Variants in PRKCE observed in about 807,000 individuals in gnomAD.
PRKCE encodes the protein protein kinase C epsilon.
Under a neutral mutation model 85.4 loss-of-function variants are expected in PRKCE, and 16 were observed. That is an observed-to-expected ratio of 0.19 (90% CI 0.13 to 0.28). The LOEUF is 0.28. Ranked by LOEUF, PRKCE falls within the 10% of genes least tolerant of loss-of-function variation. The probability of loss-of-function intolerance (pLI) is 1.00; values close to 1 mark genes in which losing one functional copy is unlikely to be tolerated. For missense variants in PRKCE, 573 were observed against 975.2 expected (o/e 0.59, Z 5.49); for synonymous variants, 388 against 371.5 (o/e 1.04, Z -0.51).
chr2:45,713,587 G>T (rs1679845492), intron 1 of PRKCE, among the ~76,000 whole-genome samples: 1 of 152,136 alleles, frequency 6.6e-6, no homozygotes. Flanking sequence ...TTTGAAGAAG[G>T]GATCCACTGG....
rs140436563 is a variant in PRKCE, at chr2:45,738,758, T to C, written c.348+86310T>C. Among the ~76,000 whole-genome samples, 288 of 152,316 alleles carry C rather than the reference T, an allele frequency of 1.9e-3. 1 individual carries two copies. The highest frequency in any genetic ancestry group is 6.7e-3 in the African/African-American group (279 of 41,570). On this transcript the variant is annotated intron_variant, in intron 1 of 14. Coordinates refer to ENST00000306156, the MANE Select transcript of PRKCE (RefSeq NM_005400.3). Reference sequence around the variant, plus strand: ...TGTTTTGCTTTTAACCTTACAGTTATTGGGCATTAAGATATGACAGCTCTT... The same window carrying C: ...TGTTTTGCTTTTAACCTTACAGTTACTGGGCATTAAGATATGACAGCTCTT...
chr2:45,800,859 C>T (rs1321409336), intron 1 of PRKCE, among the ~76,000 whole-genome samples: 2 of 152,180 alleles, frequency 1.3e-5, no homozygotes, highest in Non-Finnish European at 2.9e-5. Context: ...TATGCATGAG[C>T]CATGGTTCCA....
intron 10 of PRKCE, among the ~76,000 whole-genome samples, chr2:46,055,461 A>C (rs1192562520): frequency 6.6e-6 from 1 of 152,190 alleles, no homozygotes; most frequent in Non-Finnish European, 1.5e-5. Context: ...GGTTCAATTC[A>C]ATCTCTCAGT....
chr2:45,960,418 G>A (rs1486218162), intron 2 of PRKCE, among the ~76,000 whole-genome samples: 1 of 152,304 alleles, frequency 6.6e-6, no homozygotes, highest in Admixed American at 6.5e-5. Flanking sequence ...ACCAGGGACT[G>A]GTTTCATGGA....
chr2:45,956,241 C>T (rs923079045), intron 2 of PRKCE, among the ~76,000 whole-genome samples: 6 of 152,114 alleles, frequency 3.9e-5, no homozygotes, highest in Admixed American at 6.5e-5. Flanking sequence ...GTTTGGATTG[C>T]GTCTAGTTTT....
intron 2 of PRKCE, among the ~76,000 whole-genome samples, chr2:45,951,526 G>C (rs958862579): frequency 1.3e-5 from 2 of 152,118 alleles, no homozygotes; most frequent in Non-Finnish European, 2.9e-5. Context: ...TTTTGGCTTG[G>C]GGCCACACTT....
At chr2:45,742,067 A>G (rs1682626026) in intron 1 of PRKCE, among the ~76,000 whole-genome samples, 1 of 152,170 alleles carries the variant, frequency 6.6e-6, no homozygotes, top group Non-Finnish European at 1.5e-5. Flanking sequence ...CGGATATCAC[A>G]CGAAAAGCAC....
At chr2:46,183,078 G>A (rs1439263710) in intron 14 of PRKCE, among the ~76,000 whole-genome samples, 4 of 152,206 alleles carry the variant, frequency 2.6e-5, no homozygotes, top group South Asian at 4.1e-4. Flanking sequence ...TCAAATGAGC[G>A]AATAAATGCA....
intron 2 of PRKCE, among the ~76,000 whole-genome samples, chr2:45,953,020 C>T (rs1429567041): frequency 3.3e-5 from 5 of 152,182 alleles, no homozygotes; most frequent in Non-Finnish European, 7.3e-5. Context: ...CTTGACATTA[C>T]TGAGTAGTGT....
intron 1 of PRKCE, among the ~76,000 whole-genome samples, chr2:45,742,360 A>G (rs776006718): frequency 1.8e-4 from 27 of 152,040 alleles, no homozygotes; most frequent in African/African-American, 5.8e-4. Context: ...GCTTGAGCCC[A>G]GGATTTCAAG....
chr2:45,778,391 A>G (rs1667489370), intron 1 of PRKCE, among the ~76,000 whole-genome samples: 1 of 152,134 alleles, frequency 6.6e-6, no homozygotes, highest in Admixed American at 6.5e-5. Flanking sequence ...ATGCTCTGGG[A>G]GACCCTGATG....
At chr2:46,128,644 A>G (rs1049402393) in intron 11 of PRKCE, among the ~76,000 whole-genome samples, 8 of 152,212 alleles carry the variant, frequency 5.3e-5, no homozygotes, top group Admixed American at 1.3e-4. Flanking sequence ...CTGTTTTGGT[A>G]AACGTTCCCT....
chr2:45,828,023 T>G (rs1327100702), intron 1 of PRKCE, among the ~76,000 whole-genome samples: 2 of 152,188 alleles, frequency 1.3e-5, no homozygotes, highest in Non-Finnish European at 2.9e-5. Context: ...ACAAAGATAG[T>G]GACTCTGAAT....
intron 2 of PRKCE, among the ~76,000 whole-genome samples, chr2:45,930,620 T>C (rs903624805): frequency 3.9e-5 from 6 of 152,228 alleles, no homozygotes; most frequent in African/African-American, 1.4e-4. Flanking sequence ...TTACTCATCA[T>C]GAACTCTGCT....
In PRKCE at chr2:45,652,495, C is replaced by A; in HGVS notation, c.348+47C>A. ...CATTCCGGGAACCCGGTTGTGGGGTCCCGGGGAAAGACTCGCTGGTCTTGA... is the reference window on the plus strand; with the variant it reads ...CATTCCGGGAACCCGGTTGTGGGGTACCGGGGAAAGACTCGCTGGTCTTGA... On this transcript the variant is annotated intron_variant, in intron 1 of 14. Coordinates refer to ENST00000306156, the MANE Select transcript of PRKCE (RefSeq NM_005400.3). The surrounding 1 kb of genome is among the most constrained non-coding windows in gnomAD (Gnocchi z 7.7). 3.3e-6 allele frequency: 5 copies of A among 1,506,642 alleles called. No individual in the cohort carries two copies. Among genetic ancestry groups the A allele is most frequent in the Non-Finnish European group, 4.5e-6 (5 of 1,116,394 alleles). 93.3% of individuals were successfully genotyped at this position (1,506,642 alleles called of 1,614,324 possible). A position where few individuals can be genotyped will look rare whatever the true frequency, so the allele number is the denominator to read the frequency against.
intron 1 of PRKCE, among the ~76,000 whole-genome samples, chr2:45,799,915 G>A (rs906465823): frequency 2.6e-5 from 4 of 152,192 alleles, no homozygotes; most frequent in Admixed American, 6.5e-5. Flanking sequence ...TGAGGTGTAG[G>A]TTAAGCTCCT....
chr2:46,099,798 A>G (rs914402313), intron 11 of PRKCE, among the ~76,000 whole-genome samples: 1 of 152,072 alleles, frequency 6.6e-6, no homozygotes, highest in African/African-American at 2.4e-5. Context: ...GGGATTTTCT[A>G]AGCATATTTG....
chr2:45,744,667 G>A (rs1159907765), intron 1 of PRKCE, among the ~76,000 whole-genome samples: 3 of 150,680 alleles, frequency 2.0e-5, no homozygotes, highest in Non-Finnish European at 4.4e-5. Context: ...GAGTGCAGTG[G>A]TGCCGTCTCC....
rs1700817076 is a variant in PRKCE at position 45,954,145 on chromosome 2, T to A, written c.413-22284T>A. On this transcript the variant is annotated intron_variant, in intron 2 of 14. Coordinates refer to ENST00000306156, the MANE Select transcript of PRKCE (RefSeq NM_005400.3). ...CTCCCACTTTGAAGGTGGCCTTAGGTGCGCAGGGACTTTGTGTGGCCCTAG... is the reference window on the plus strand; with the variant it reads ...CTCCCACTTTGAAGGTGGCCTTAGGAGCGCAGGGACTTTGTGTGGCCCTAG... Among the ~76,000 whole-genome samples the A allele has an allele frequency of 2.0e-5, 3 of 152,320 alleles. No individual in the cohort carries two copies. The South Asian group carries it at 6.2e-4, about 32-fold the overall frequency.
Sources: allele counts gnomAD v4.1 joint callset (sites outside exome capture counted in the v4.1 genomes callset), GRCh38; gene constraint gnomAD v4.1.1; non-coding constraint Gnocchi (gnomAD v3.1); transcripts MANE v1.5; gene names NCBI Gene and HGNC (gene_info 2026-07-23, HGNC 2026-07-21).